TPRX1: variants seen among roughly 807,000 people sequenced by gnomAD.
The protein encoded by TPRX1 is tetrapeptide repeat homeobox 1, also known as tetra-peptide repeat homeobox protein 1.
Under a neutral mutation model 8.1 loss-of-function variants are expected in TPRX1, and 2 were observed. The observed-to-expected ratio is 0.25, with a 90% CI of 0.10 to 0.78. TPRX1 has a LOEUF of 0.78. Ranked by LOEUF, TPRX1 falls within the 30% of genes least tolerant of loss-of-function variation. The pLI, the probability that TPRX1 is intolerant of heterozygous loss-of-function variation, is 0.70. For missense variants in TPRX1, 517 were observed against 586.9 expected (o/e 0.88, Z 1.23); for synonymous variants, 257 against 254.1 (o/e 1.01, Z -0.11).
intron 2 of TPRX1, among the ~76,000 whole-genome samples, chr19:47,804,954 T>C (rs1212750600): frequency 6.6e-6 from 1 of 152,202 alleles, no homozygotes; most frequent in African/African-American, 2.4e-5. Context: ...CCAATGCCGG[T>C]GAGTCTACCC....
At chr19:47,803,756 A>T (rs1428503389) in intron 2 of TPRX1, 83 bp from the exon 2 acceptor site, 11 of 697,084 alleles carry the variant, frequency 1.6e-5, no homozygotes, top group Non-Finnish European at 2.1e-5. Flanking sequence ...GCACCAGGCC[A>T]GGAGCCCAGG....
In TPRX1 at chr19:47,801,851, G is replaced by C. The variant is rs757322909; in HGVS notation, c.1451C>G (p.Ser484Ter). 1 of 1,614,180 alleles carries C rather than the reference G, an allele frequency of 6.2e-7. No individual in the cohort carries two copies. Among genetic ancestry groups the C allele is most frequent in the Non-Finnish European group, 8.5e-7 (1 of 1,180,038 alleles). Residue 484 changes from serine (S) to a stop codon, truncating the protein, a stop_gained, in exon 4 of 4, where the codon TCA becomes TGA. Transcript: ENST00000535759. LOFTEE classifies it low-confidence loss of function (END_TRUNC). ...ACCCTCCTCTTGGGGCTGAGACCCT[G>C]AGTGTTTTTTGCCCATAGAGTCATC...
At chr19:47,803,029 G>A (rs1172448661) in intron 3 of TPRX1, 49 bp from the exon 3 acceptor site, 1 of 1,496,942 alleles carries the variant, frequency 6.7e-7, no homozygotes, top group South Asian at 1.3e-5. Context: ...GGGCTCGCGC[G>A]GCCCAGTGAG....
At chr19:47,818,243 T>TCCCC (rs1246379314) in intron 2 of TPRX1, among the ~76,000 whole-genome samples, 1 of 129,108 alleles carries the variant, frequency 7.7e-6, no homozygotes, top group African/African-American at 3.2e-5. Context: ...CACCCATCCA[T>TCCCC]CACCCATCCA....
At chr19:47,813,162 C>A (rs1251411143) in intron 2 of TPRX1, among the ~76,000 whole-genome samples, 3 of 136,034 alleles carry the variant, frequency 2.2e-5, no homozygotes, top group African/African-American at 8.2e-5. Flanking sequence ...AAACAACCCC[C>A]CCCACCCCGC....
chr19:47,815,864 T>A (rs1307210378), intron 2 of TPRX1, among the ~76,000 whole-genome samples: 1 of 151,748 alleles, frequency 6.6e-6, no homozygotes, highest in Non-Finnish European at 1.5e-5. Flanking sequence ...GCAATAGATA[T>A]ATAGTCAATA....
At chr19:47,818,338 CATCATCCATCCATCCATCCATCCATCCAT>C (rs1434316629) in intron 2 of TPRX1, 6,964 of 296,548 alleles carry the variant, frequency 0.023, 1,206 homozygotes, top group African/African-American at 0.21. Context: ...TCCATCCATC[CATCATCCATCCATCCATCCATCCATCCAT>C]CATCCATCAC....
At chr19:47,803,726 C>G in intron 2 of TPRX1, 53 bp from the exon 2 acceptor site, 1 of 759,758 alleles carries the variant, frequency 1.3e-6, no homozygotes, top group Non-Finnish European at 2.1e-6. Context: ...CCCCCAGCCC[C>G]CCTAGGGACC....
intron 2 of TPRX1, among the ~76,000 whole-genome samples, chr19:47,812,892 G>A (rs897677713): frequency 2.6e-5 from 4 of 151,726 alleles, no homozygotes; most frequent in Non-Finnish European, 4.4e-5. Flanking sequence ...GATCACTTGA[G>A]GTCAGGAGTT....
At chr19:47,802,555 T>C (rs1209466222) in exon 4 of TPRX1, 1 of 1,549,508 alleles carries the variant, frequency 6.5e-7, no homozygotes, top group Admixed American at 2.0e-5. Context: ...GGCCTGGGAT[T>C]GGGCCACGGA....
At chr19:47,801,515 C>T (rs965400956) in exon 4 of TPRX1, 13 of 413,490 alleles carry the variant, frequency 3.1e-5, no homozygotes, top group Admixed American at 2.1e-4. Flanking sequence ...AGAAAGCTCT[C>T]GAGCAGCATC....
rs999015973 is a variant in TPRX1 at position 47,802,614 on chromosome 19, CTGGGATCGGGCT to C, written c.676_687del (p.Ser226_Pro229del). ...CCTGAAATTGGGCCTGGGATTGGGGCTGGGATCGGGCTTGGGATCTGAGCTGGGCCTGGAATT... is the reference window on the plus strand; with the variant it reads ...CCTGAAATTGGGCCTGGGATTGGGGCTGGGATCTGAGCTGGGCCTGGAATT... On this transcript the variant is annotated inframe_deletion, in exon 4 of 4. Transcript: ENST00000535759. The C allele has an allele frequency of 2.8e-5, 44 of 1,550,330 alleles. No individual in the cohort carries two copies. In the Admixed American group the frequency reaches 3.3e-4, roughly 12 times the overall value.
At chr19:47,802,891 T>A in exon 4 of TPRX1, 1 of 1,577,892 alleles carries the variant, frequency 6.3e-7, no homozygotes, top group Non-Finnish European at 8.6e-7. Context: ...CAGCGCGGGC[T>A]CCTCGGCCTC....
At chr19:47,805,547 A>G (rs985841010) in intron 2 of TPRX1, among the ~76,000 whole-genome samples, 3 of 152,188 alleles carry the variant, frequency 2.0e-5, no homozygotes, top group Non-Finnish European at 4.4e-5. Context: ...GACAAGGCTC[A>G]TGGTGCAGGG....
intron 2 of TPRX1, among the ~76,000 whole-genome samples, chr19:47,816,466 G>A (rs1003959729): frequency 6.6e-6 from 1 of 151,292 alleles, no homozygotes; most frequent in African/African-American, 2.4e-5. Context: ...GCCCAGGCTG[G>A]CCTCAGTCTC....
At chr19:47,810,024 G>C (rs955031109) in intron 2 of TPRX1, among the ~76,000 whole-genome samples, 149 of 152,076 alleles carry the variant, frequency 9.8e-4, no homozygotes, top group African/African-American at 2.6e-3. Flanking sequence ...GGAGGCCGAG[G>C]TGGGCGGATC....
In TPRX1 at chr19:47,816,742, C is replaced by T. The variant is rs573522468; in HGVS notation, c.151+1726G>A. 9.0e-3 allele frequency among the ~76,000 whole-genome samples: 1,362 copies of T among 151,928 alleles called. 5 individuals carry two copies. The highest frequency in any genetic ancestry group is 0.012 in the Non-Finnish European group (801 of 67,950). ...AGAGATGGGGTTTCACCATGTTAGCCAGGATGGTCTCGATCTCCTGACCTC... is the reference window on the plus strand; with the variant it reads ...AGAGATGGGGTTTCACCATGTTAGCTAGGATGGTCTCGATCTCCTGACCTC... On this transcript the variant is annotated intron_variant, in intron 2 of 3. Coordinates refer to ENST00000535759, the Ensembl canonical transcript of TPRX1.
intron 2 of TPRX1, among the ~76,000 whole-genome samples, chr19:47,815,974 T>C (rs1038355948): frequency 6.6e-6 from 1 of 152,114 alleles, no homozygotes; most frequent in Non-Finnish European, 1.5e-5. Flanking sequence ...TTATTTAGAC[T>C]CTGGGTCATG....
At chr19:47,812,843 C>A (rs1490712260) in intron 2 of TPRX1, among the ~76,000 whole-genome samples, 1 of 149,590 alleles carries the variant, frequency 6.7e-6, no homozygotes, top group Non-Finnish European at 1.5e-5. Flanking sequence ...TGGTGGCTCA[C>A]GCCTGTAATC....
Sources: allele counts gnomAD v4.1 joint callset (sites outside exome capture counted in the v4.1 genomes callset), GRCh38; gene constraint gnomAD v4.1.1; transcripts MANE v1.5; gene names NCBI Gene and HGNC (gene_info 2026-07-23, HGNC 2026-07-21).